The following GPC6 variants were observed in gnomAD, a reference collection of about 807,000 sequenced individuals.
GPC6 encodes glypican-6.
In GPC6, 14 loss-of-function variants were observed where a neutral mutation model predicts 55.2. The observed-to-expected ratio is 0.25, with a 90% CI of 0.17 to 0.40. The LOEUF is 0.40. Ranked by LOEUF, GPC6 falls within the 10% of genes least tolerant of loss-of-function variation. GPC6 has a pLI of 1.00. For missense variants in GPC6, 641 were observed against 708.5 expected, an observed-to-expected ratio of 0.90 and a Z score of 1.08; for synonymous variants, 278 against 259.6, an observed-to-expected ratio of 1.07 and a Z score of -0.68.
chr13:93,612,988 T>A (rs528632945), intron 2 of GPC6, among the ~76,000 whole-genome samples: 1 of 152,328 alleles, frequency 6.6e-6, no homozygotes, highest in African/African-American at 2.4e-5. Flanking sequence ...TCATTGCCAA[T>A]GTTTTGCCTT....
chr13:93,259,075 G>A (rs1196159928), intron 1 of GPC6, among the ~76,000 whole-genome samples: 2 of 152,142 alleles, frequency 1.3e-5, no homozygotes, highest in Non-Finnish European at 2.9e-5. Context: ...TCATTTTAAC[G>A]GTAGGGTAGG....
chr13:93,273,251 T>C (rs1877603182), intron 1 of GPC6, among the ~76,000 whole-genome samples: 1 of 152,214 alleles, frequency 6.6e-6, no homozygotes, highest in South Asian at 2.1e-4. Flanking sequence ...AGAATTGCAC[T>C]TTAAGAGAGA....
At chr13:93,436,511 T>C (rs1381680750) in intron 1 of GPC6, among the ~76,000 whole-genome samples, 2 of 152,152 alleles carry the variant, frequency 1.3e-5, no homozygotes, top group Non-Finnish European at 2.9e-5. Flanking sequence ...AGAGAGGAAC[T>C]GTAATGGTAG....
At chr13:93,414,508 A>T (rs1218262033) in intron 1 of GPC6, among the ~76,000 whole-genome samples, 1 of 152,148 alleles carries the variant, frequency 6.6e-6, no homozygotes, top group Non-Finnish European at 1.5e-5. Flanking sequence ...ACTGTTACTC[A>T]TCTTTATATA....
intron 4 of GPC6, among the ~76,000 whole-genome samples, chr13:94,111,970 T>C (rs1389781906): frequency 6.6e-6 from 1 of 152,158 alleles, no homozygotes; most frequent in East Asian, 1.9e-4. Flanking sequence ...TGAATTAACA[T>C]AACCATGATC....
intron 2 of GPC6, among the ~76,000 whole-genome samples, chr13:93,612,504 C>CACAT (rs1341858204): frequency 7.9e-6 from 1 of 126,448 alleles, no homozygotes. Context: ...GTCTAAAACA[C>CACAT]ACACACACAC....
chr13:93,243,929 G>A (rs1489616955), intron 1 of GPC6, among the ~76,000 whole-genome samples: 2 of 152,076 alleles, frequency 1.3e-5, no homozygotes, highest in Non-Finnish European at 2.9e-5. Flanking sequence ...TTCAGGGGAA[G>A]CACTCAGATG....
chr13:93,254,971 C>T (rs1876905201), intron 1 of GPC6, among the ~76,000 whole-genome samples: 1 of 152,150 alleles, frequency 6.6e-6, no homozygotes, highest in Non-Finnish European at 1.5e-5. Flanking sequence ...ACAAGGGAGC[C>T]TTATTTATGG....
intron 2 of GPC6, among the ~76,000 whole-genome samples, chr13:93,664,855 C>A (rs1410651027): frequency 6.6e-6 from 1 of 152,180 alleles, no homozygotes; most frequent in African/African-American, 2.4e-5. Flanking sequence ...TTAAAAATTT[C>A]TGTTAGAGAA....
chr13:93,894,091 A>T (rs1875854206), intron 3 of GPC6, among the ~76,000 whole-genome samples: 1 of 152,210 alleles, frequency 6.6e-6, no homozygotes, highest in Non-Finnish European at 1.5e-5. Flanking sequence ...CCTCTTTAGT[A>T]ATAAATTGAT....
At chr13:94,314,789 A>G (rs1002368314) in intron 6 of GPC6, among the ~76,000 whole-genome samples, 1 of 152,220 alleles carries the variant, frequency 6.6e-6, no homozygotes, top group Non-Finnish European at 1.5e-5. Context: ...CATAAATACC[A>G]GTTTTGATGT....
chr13:93,518,538 A>G (rs1468793625), intron 1 of GPC6, among the ~76,000 whole-genome samples: 1 of 152,010 alleles, frequency 6.6e-6, no homozygotes, highest in Non-Finnish European at 1.5e-5. Context: ...ATATGTATAA[A>G]TTGAACATTT....
chr13:94,339,578 T>C (rs2139153891), intron 6 of GPC6, among the ~76,000 whole-genome samples: 1 of 152,146 alleles, frequency 6.6e-6, no homozygotes, highest in Non-Finnish European at 1.5e-5. Context: ...AGAACAGGAA[T>C]GCATGAAAAG....
intron 3 of GPC6, among the ~76,000 whole-genome samples, chr13:93,843,720 T>G (rs1300228733): frequency 5.3e-5 from 8 of 152,304 alleles, no homozygotes; most frequent in Non-Finnish European, 8.8e-5. Flanking sequence ...AAAGATCAGC[T>G]GGAGTTAATT....
chr13:93,873,902 G>A lies in GPC6; in HGVS notation c.711+43357G>A, dbSNP rs1180808707. Among the ~76,000 whole-genome samples, 3 of 151,786 alleles carry A rather than the reference G, an allele frequency of 2.0e-5. No individual in the cohort carries two copies. The East Asian group carries it at 5.9e-4, about 30-fold the overall frequency. On this transcript the variant is annotated intron_variant, in intron 3 of 8. Transcript: ENST00000377047. Reference sequence around the variant, plus strand: ...GCACACTCTGACACGTCTGCCTTCAGAATCTATCCCCAATGTGAGCATTAC... The same window carrying A: ...GCACACTCTGACACGTCTGCCTTCAAAATCTATCCCCAATGTGAGCATTAC...
At chr13:93,786,392 C>T (rs574662629) in intron 2 of GPC6, among the ~76,000 whole-genome samples, 1 of 152,176 alleles carries the variant, frequency 6.6e-6, no homozygotes, top group African/African-American at 2.4e-5. Flanking sequence ...ATATTTCTTA[C>T]TATTATGACT....
rs2139045506 is a variant in GPC6, at chr13:93,265,126, A to T, written c.160+37510A>T. 1.3e-5 allele frequency among the ~76,000 whole-genome samples: 2 copies of T among 152,316 alleles called. 1 individual carries two copies. On this transcript the variant is annotated intron_variant, in intron 1 of 8. Coordinates refer to ENST00000377047, the MANE Select transcript of GPC6 (RefSeq NM_005708.5). ...ATGCTGATGCATTTCAAAACCATTG[A>T]TGCTACTCTGTGAAGGACCTGAGAG... is the stretch of plus-strand genomic sequence containing the variant.
At chr13:93,782,475 TAGTTCGATTTTTG>T (rs1885683415) in intron 2 of GPC6, among the ~76,000 whole-genome samples, 1 of 152,164 alleles carries the variant, frequency 6.6e-6, no homozygotes. Context: ...CATCATATAG[TAGTTCGATTTTTG>T]AGTTTTTGAA....
intron 2 of GPC6, among the ~76,000 whole-genome samples, chr13:93,568,550 G>A (rs966029463): frequency 6.6e-6 from 1 of 152,112 alleles, no homozygotes; most frequent in Non-Finnish European, 1.5e-5. Context: ...ACAAAGAGGG[G>A]AGAAAGTTAA....
Sources: allele counts gnomAD v4.1 joint callset (sites outside exome capture counted in the v4.1 genomes callset), GRCh38; gene constraint gnomAD v4.1.1; transcripts MANE v1.5; gene names NCBI Gene and HGNC (gene_info 2026-07-23, HGNC 2026-07-21).